CREB5: variants seen among roughly 807,000 people sequenced by gnomAD.
CREB5 encodes cAMP responsive element binding protein 5.
A neutral mutation model predicts 57.1 loss-of-function variants in CREB5; 19 were observed. The ratio of observed to expected loss-of-function variants is 0.33; its 90% CI spans 0.23 to 0.49. The LOEUF is 0.49. CREB5 is among the 20% of genes least tolerant of loss of function. The pLI is 0.99. For missense variants in CREB5, 579 were observed against 671.6 expected (o/e 0.86, Z 1.52); for synonymous variants, 238 against 238.3 (o/e 1.00, Z 0.01).
At chr7:28,416,447 A>G (rs1755231873) in intron 1 of CREB5, among the ~76,000 whole-genome samples, 1 of 152,214 alleles carries the variant, frequency 6.6e-6, no homozygotes, top group South Asian at 2.1e-4. Context: ...CTTTATCAAA[A>G]CAAGATCTTC....
chr7:28,307,343 G>A lies in CREB5; in HGVS notation c.-25+7902G>A, dbSNP rs758509366. 1.6e-4 allele frequency among the ~76,000 whole-genome samples: 24 copies of A among 152,270 alleles called. No individual in the cohort carries two copies. In the South Asian group the frequency reaches 1.9e-3, roughly 12 times the overall value. On this transcript the variant is annotated intron_variant, in intron 1 of 9. Coordinates refer to the CREB5 transcript ENST00000396299. ...ATTAGTGTCTAATAAAGGGGTTTGA[G>A]GGGGCAAGTTTGCCTTTCCATCCCT...
At chr7:28,637,937 G>T (rs770533584) in intron 5 of CREB5, among the ~76,000 whole-genome samples, 2 of 152,158 alleles carry the variant, frequency 1.3e-5, no homozygotes, top group Non-Finnish European at 2.9e-5. Flanking sequence ...ACAGCTCAGT[G>T]CTTCAGACTG....
chr7:28,382,262 C>A (rs774624509), intron 1 of CREB5, among the ~76,000 whole-genome samples: 2 of 152,140 alleles, frequency 1.3e-5, no homozygotes, highest in Non-Finnish European at 2.9e-5. Context: ...GCAGATTTTC[C>A]CCATTCAGTC....
chr7:28,694,552 C>A (rs887253872), intron 5 of CREB5, among the ~76,000 whole-genome samples: 4 of 152,102 alleles, frequency 2.6e-5, no homozygotes, highest in African/African-American at 9.7e-5. Flanking sequence ...TCTTATAATT[C>A]TTTTTTTAAA....
intron 1 of CREB5, among the ~76,000 whole-genome samples, chr7:28,330,191 T>C (rs1162841290): frequency 6.6e-6 from 1 of 152,194 alleles, no homozygotes; most frequent in Non-Finnish European, 1.5e-5. Context: ...CATGTGATAT[T>C]TCCTGTTTTG....
chr7:28,725,645 TAAAAA>T (rs1554291840), intron 7 of CREB5, among the ~76,000 whole-genome samples: 1 of 112,374 alleles, frequency 8.9e-6, no homozygotes, highest in Non-Finnish European at 2.1e-5. Context: ...TATCTTTTTT[TAAAAA>T]AAAAAAAAAA....
intron 5 of CREB5, among the ~76,000 whole-genome samples, chr7:28,629,917 G>A (rs142184098): frequency 9.3e-4 from 141 of 152,260 alleles, no homozygotes; most frequent in African/African-American, 3.3e-3. Flanking sequence ...GAAAGGATAG[G>A]CTTCTATGGC....
intron 9 of CREB5, among the ~76,000 whole-genome samples, chr7:28,817,469 G>A (rs1290030327): frequency 6.6e-6 from 1 of 152,184 alleles, no homozygotes; most frequent in East Asian, 1.9e-4. Flanking sequence ...TGGAAAATCT[G>A]ATGGTAGATG....
intron 1 of CREB5, among the ~76,000 whole-genome samples, chr7:28,446,703 A>G (rs940788313): frequency 1.3e-4 from 20 of 152,134 alleles, no homozygotes; most frequent in African/African-American, 4.8e-4. Context: ...GAGGCAGGAG[A>G]CTGGCGTGAA....
intron 5 of CREB5, among the ~76,000 whole-genome samples, chr7:28,571,034 A>G (rs1257854632): frequency 6.6e-6 from 1 of 152,082 alleles, no homozygotes; most frequent in African/African-American, 2.4e-5. Context: ...TGCAGATAGT[A>G]CCAAACCCTG....
intron 1 of CREB5, among the ~76,000 whole-genome samples, chr7:28,465,057 A>C (rs769593086): frequency 6.6e-5 from 10 of 152,330 alleles, no homozygotes; most frequent in Non-Finnish European, 1.3e-4. Context: ...GCTTAGGAGA[A>C]AAGAAAATTT....
chr7:28,632,393 G>A (rs1384428748), intron 5 of CREB5, among the ~76,000 whole-genome samples: 1 of 152,128 alleles, frequency 6.6e-6, no homozygotes, highest in Non-Finnish European at 1.5e-5. Context: ...GAACTGCCTG[G>A]CCAGGACTAG....
chr7:28,656,509 A>C (rs939313012), intron 5 of CREB5, among the ~76,000 whole-genome samples: 1 of 152,222 alleles, frequency 6.6e-6, no homozygotes, highest in South Asian at 2.1e-4. Context: ...TTAAAATCAG[A>C]TTATTATCAT....
chr7:28,658,076 C>G (rs1180897713), intron 5 of CREB5, among the ~76,000 whole-genome samples: 1 of 152,132 alleles, frequency 6.6e-6, no homozygotes, highest in African/African-American at 2.4e-5. Flanking sequence ...TTATTCCACA[C>G]CTTTGTCCTC....
chr7:28,603,077 T>C (rs918627177), intron 5 of CREB5, among the ~76,000 whole-genome samples: 3 of 152,206 alleles, frequency 2.0e-5, no homozygotes, highest in African/African-American at 7.2e-5. Flanking sequence ...TATTTCTAAT[T>C]TGAGTTTTAA....
intron 1 of CREB5, among the ~76,000 whole-genome samples, chr7:28,416,559 T>C (rs907252322): frequency 1.3e-5 from 2 of 152,204 alleles, no homozygotes; most frequent in African/African-American, 4.8e-5. Context: ...TATCTAGCTA[T>C]GGTGTGGTGC....
rs74840983 is a variant in CREB5 at position 28,391,064 on chromosome 7, A to G, written c.-25+91623A>G. Among the ~76,000 whole-genome samples the G allele has an allele frequency of 5.9e-3, 896 of 152,298 alleles. 9 individuals are homozygous for G. Among genetic ancestry groups the G allele is most frequent in the African/African-American group, 0.02 (847 of 41,570 alleles). On this transcript the variant is annotated intron_variant, in intron 1 of 9. Transcript: ENST00000396299. ...TAGATATTTTAAAATAGAGAAAACA[A>G]TCTATTCAGTCTTGTCATCCTAGCA...
chr7:28,572,741 A>T (rs1447402839), intron 5 of CREB5, among the ~76,000 whole-genome samples: 2 of 152,166 alleles, frequency 1.3e-5, no homozygotes, highest in Non-Finnish European at 2.9e-5. Flanking sequence ...GACTCTGTTG[A>T]TAATTTACCC....
intron 1 of CREB5, among the ~76,000 whole-genome samples, chr7:28,361,601 G>C (rs1284637521): frequency 2.6e-5 from 4 of 152,202 alleles, no homozygotes; most frequent in Non-Finnish European, 5.9e-5. Flanking sequence ...CAGGGTTCCT[G>C]CTTGAGTTTA....
Sources: allele counts gnomAD v4.1 joint callset (sites outside exome capture counted in the v4.1 genomes callset), GRCh38; gene constraint gnomAD v4.1.1; transcripts MANE v1.5; gene names NCBI Gene and HGNC (gene_info 2026-07-23, HGNC 2026-07-21).